Variants in UNC13C observed in about 807,000 individuals in gnomAD.
UNC13C encodes protein unc-13 homolog C.
UNC13C carries 174 observed loss-of-function variants against 245.4 expected under a neutral mutation model. The observed-to-expected ratio is 0.71, with a 90% CI of 0.63 to 0.80. The LOEUF (loss-of-function observed/expected upper bound fraction) is 0.80. Ranked by LOEUF, UNC13C falls within the 30% of genes least tolerant of loss-of-function variation. UNC13C has a pLI of 0.00. For synonymous variants in UNC13C, 992 were observed against 895.1 expected, an observed-to-expected ratio of 1.11 and a Z score of -1.93; for missense variants, 2,829 against 2,602.9, an observed-to-expected ratio of 1.09 and a Z score of -1.89.
rs1359857453 is a variant in UNC13C, at chr15:54,013,125, CT to C, written c.224del (p.Leu75TyrfsTer22). The C allele has an allele frequency of 6.2e-7, 1 of 1,613,814 alleles. No homozygotes were observed. Among genetic ancestry groups the C allele is most frequent in the African/African-American group, 1.3e-5 (1 of 74,930 alleles). On this transcript the variant is annotated frameshift_variant, in exon 2 of 33. Coordinates refer to ENST00000260323, the MANE Select transcript of UNC13C (RefSeq NM_001080534.3). LOFTEE classifies it high-confidence loss of function. ...KIAKCSSTHNLSTEEDEASKE... is the reference protein window; with the variant it reads ...KIAKCSSTHNXSTEEDEASKE... ...TTGCAAAGTGTTCATCCACTCACAA[CT>C]TATCCACTGAGGAAGACGAGGCCAG...
intron 13 of UNC13C, among the ~76,000 whole-genome samples, chr15:54,317,255 G>A (rs533627607): frequency 4.6e-5 from 7 of 151,994 alleles, no homozygotes; most frequent in African/African-American, 1.2e-4. Context: ...ACATATGTTA[G>A]CACTAATGAT....
chr15:54,488,621 G>A (rs1195905130), intron 19 of UNC13C, among the ~76,000 whole-genome samples: 1 of 152,070 alleles, frequency 6.6e-6, no homozygotes, highest in Non-Finnish European at 1.5e-5. Context: ...AATAAACACT[G>A]ACTTTCTGAA....
intron 13 of UNC13C, among the ~76,000 whole-genome samples, chr15:54,302,749 T>C (rs893838784): frequency 6.6e-6 from 1 of 152,178 alleles, no homozygotes; most frequent in Non-Finnish European, 1.5e-5. Flanking sequence ...GTCTTGGCTA[T>C]GCTGGCTCTT....
At chr15:54,441,934 G>A (rs920844941) in intron 19 of UNC13C, among the ~76,000 whole-genome samples, 1 of 151,586 alleles carries the variant, frequency 6.6e-6, no homozygotes, top group African/African-American at 2.4e-5. Flanking sequence ...GTATTTTTTT[G>A]TAGCTATTTT....
At chr15:53,858,879 A>G in the UNC13C span, among the ~76,000 whole-genome samples, 1 of 152,226 alleles carries the variant, frequency 6.6e-6, no homozygotes, top group Non-Finnish European at 1.5e-5. Flanking sequence ...ATAATTACCC[A>G]GCATAACTTG....
chr15:54,117,828 G>T (rs563832643), intron 2 of UNC13C, among the ~76,000 whole-genome samples: 1 of 151,986 alleles, frequency 6.6e-6, no homozygotes, highest in Non-Finnish European at 1.5e-5. Context: ...TGATTTCCCC[G>T]CCTTGGCCTC....
the UNC13C span, among the ~76,000 whole-genome samples, chr15:53,905,849 T>C: frequency 2.0e-5 from 3 of 152,186 alleles, no homozygotes; most frequent in African/African-American, 4.8e-5. Context: ...TCACAACATA[T>C]ATGTATCTCA....
At chr15:54,155,354 G>A (rs535935621) in intron 4 of UNC13C, among the ~76,000 whole-genome samples, 5 of 152,218 alleles carry the variant, frequency 3.3e-5, no homozygotes, top group African/African-American at 1.2e-4. Flanking sequence ...ATCCAAAACT[G>A]GAACTGACAC....
intron 2 of UNC13C, among the ~76,000 whole-genome samples, chr15:54,023,357 G>A (rs1341407715): frequency 1.3e-5 from 2 of 152,172 alleles, no homozygotes; most frequent in Non-Finnish European, 2.9e-5. Flanking sequence ...ATGTTTTTAA[G>A]CATCTGTGTA....
chr15:54,130,686 T>G (rs1369863898), intron 2 of UNC13C, among the ~76,000 whole-genome samples: 9 of 152,240 alleles, frequency 5.9e-5, no homozygotes, highest in Non-Finnish European at 2.9e-5. Flanking sequence ...GGTATAGGCT[T>G]AAGATTCCTA....
Position 54,435,708 on chromosome 15 carries a change from T to C in UNC13C, c.4933+20641T>C, listed in dbSNP as rs112745029. Among the ~76,000 whole-genome samples the C allele has an allele frequency of 5.6e-3, 841 of 151,402 alleles. 11 individuals carry two copies. Among genetic ancestry groups the C allele is most frequent in the African/African-American group, 0.019 (799 of 41,288 alleles). On this transcript the variant is annotated intron_variant, in intron 19 of 32. Coordinates refer to ENST00000260323, the MANE Select transcript of UNC13C (RefSeq NM_001080534.3). ...GTAACAAAACTGCACGTTAGGCACA[T>C]GTATCCCAGAACTTAAAGTATAATA...
rs545847952 is a variant in UNC13C at position 54,620,342 on chromosome 15, G to A, written c.6107-1985G>A. On this transcript the variant is annotated intron_variant, in intron 30 of 32. Coordinates refer to ENST00000260323, the MANE Select transcript of UNC13C (RefSeq NM_001080534.3). ...GAAAGGAAAAACTTACATTGTATAC[G>A]TTTAGAGTCCCTTCTTAAAGGTTTT... Among the ~76,000 whole-genome samples the A allele has an allele frequency of 5.2e-4, 79 of 152,228 alleles. No individual in the cohort carries two copies. The South Asian group carries it at 0.013, about 26-fold the overall frequency.
chr15:54,015,850 C>A lies in UNC13C; in HGVS notation c.2947C>A (p.Gln983Lys), dbSNP rs911765186. 2 of 1,602,296 alleles carry A rather than the reference C, an allele frequency of 1.2e-6. No homozygotes were observed. The highest frequency in any genetic ancestry group is 2.2e-5 in the South Asian group (2 of 89,180). ...AGCAGCTTTAAGGGCCTATAAAAAG[C>A]AAATGGCAGAGTTGGAAGAGAAGAT... ...KEAALRAYKK[Q>K]MAELEEKILA... is the part of the protein sequence containing the mutation. The change falls in exon 2 of 33, where the codon CAA becomes AAA. Residue 983 changes from glutamine (Q) to lysine (K), a missense_variant. Physicochemically the swap from Gln to Lys is moderately conservative, Grantham distance 53. Coordinates refer to ENST00000260323, the MANE Select transcript of UNC13C (RefSeq NM_001080534.3).
In UNC13C at chr15:54,448,121, A is replaced by G. The variant is rs55670230; in HGVS notation, c.4933+33054A>G. Among the ~76,000 whole-genome samples, 776 of 152,224 alleles carry G rather than the reference A, an allele frequency of 5.1e-3. 6 individuals are homozygous for G. The highest frequency in any genetic ancestry group is 0.017 in the African/African-American group (722 of 41,558). On this transcript the variant is annotated intron_variant, in intron 19 of 32. Transcript: ENST00000260323. ...CTTAATCCTGAGTTCTAGTTTGATT[A>G]CACTATGGTCTGAGAGACAGTTTGT...
intron 30 of UNC13C, among the ~76,000 whole-genome samples, chr15:54,611,909 A>T (rs966401046): frequency 9.9e-5 from 15 of 152,120 alleles, no homozygotes; most frequent in African/African-American, 3.4e-4. Context: ...GTATCCATTT[A>T]CATGACCTTG....
At chr15:54,373,302 A>G (rs1007425392) in intron 17 of UNC13C, among the ~76,000 whole-genome samples, 35 of 152,266 alleles carry the variant, frequency 2.3e-4, no homozygotes, top group Middle Eastern at 3.4e-3. Flanking sequence ...GGCCAGTGGC[A>G]CCTTTGCCTG....
intron 28 of UNC13C, among the ~76,000 whole-genome samples, chr15:54,552,468 CAATATATAATATAATTATA>C (rs1566904529): frequency 8.7e-4 from 1 of 1,152 alleles, no homozygotes; most frequent in Non-Finnish European, 1.4e-3. Flanking sequence ...TTATATATTA[CAATATATAATATAATTATA>C]TATTATATTA....
At chr15:54,152,929 G>A (rs556182998) in intron 4 of UNC13C, among the ~76,000 whole-genome samples, 127 of 152,164 alleles carry the variant, frequency 8.3e-4, no homozygotes, top group African/African-American at 3.0e-3. Context: ...ATGTTTTTAG[G>A]TATCTTTTAA....
chr15:54,015,408 A>G lies in UNC13C; in HGVS notation c.2505A>G (p.Thr835=). The G allele has an allele frequency of 6.2e-7, 1 of 1,613,774 alleles. No homozygotes were observed. Residue 835 remains threonine (T), a synonymous_variant, in exon 2 of 33, where the codon ACA becomes ACG. Coordinates refer to ENST00000260323, the MANE Select transcript of UNC13C (RefSeq NM_001080534.3). The part of the protein sequence containing the change: ...SGSSLMGRFR[T]LSQSTANESS... ...CTTCATTAATGGGGAGATTTCGGAC[A>G]TTATCTCAATCAACTGCAAATGAGT...
Sources: gnomAD v4.1 joint callset for allele counts (sites outside exome capture counted in the v4.1 genomes callset) on GRCh38, gnomAD v4.1.1 for gene constraint, MANE v1.5 for transcripts, NCBI Gene and HGNC (gene_info 2026-07-23, HGNC 2026-07-21) for gene names.